The following LRRTM4 variants were observed in gnomAD, a reference collection of about 807,000 sequenced individuals.
LRRTM4 encodes leucine rich repeat transmembrane neuronal 4, also known as leucine-rich repeat transmembrane neuronal protein 4.
In LRRTM4, 25 loss-of-function variants were observed where a neutral mutation model predicts 47.6. That is an observed-to-expected ratio of 0.53 (90% confidence interval 0.38 to 0.73). The LOEUF (loss-of-function observed/expected upper bound fraction) is 0.73. Ranked by LOEUF, LRRTM4 falls within the 30% of genes least tolerant of loss-of-function variation. The pLI is 0.00. For synonymous variants in LRRTM4, 311 were observed against 269.5 expected (o/e 1.15, Z -1.51); for missense variants, 638 against 713.4 (o/e 0.89, Z 1.20).
intron 3 of LRRTM4, among the ~76,000 whole-genome samples, chr2:76,837,925 G>A (rs1671562399): frequency 6.6e-6 from 1 of 151,580 alleles, no homozygotes; most frequent in Admixed American, 6.6e-5. Context: ...ATCACACTCT[G>A]GGGACTGTTG....
intron 3 of LRRTM4, among the ~76,000 whole-genome samples, chr2:77,080,437 T>C (rs1388640876): frequency 1.3e-5 from 2 of 152,224 alleles, no homozygotes; most frequent in African/African-American, 4.8e-5. Context: ...CATATCCTTA[T>C]GTTATTCTGG....
intron 3 of LRRTM4, among the ~76,000 whole-genome samples, chr2:77,482,540 C>T (rs1020873523): frequency 4.0e-5 from 6 of 151,744 alleles, no homozygotes; most frequent in Non-Finnish European, 7.4e-5. Flanking sequence ...AGTCTTGATA[C>T]AGAAAGGAAG....
At chr2:77,161,462 G>A (rs1472828900) in intron 3 of LRRTM4, among the ~76,000 whole-genome samples, 2 of 152,140 alleles carry the variant, frequency 1.3e-5, no homozygotes, top group Non-Finnish European at 2.9e-5. Flanking sequence ...GTTGCCTTGT[G>A]ATAATTAAAC....
intron 3 of LRRTM4, among the ~76,000 whole-genome samples, chr2:77,226,984 C>G (rs1674832392): frequency 6.6e-6 from 1 of 151,974 alleles, no homozygotes; most frequent in Admixed American, 6.6e-5. Flanking sequence ...GCCTTATACT[C>G]TACTAGATGG....
chr2:76,917,279 G>C (rs887064301), intron 3 of LRRTM4, among the ~76,000 whole-genome samples: 2 of 152,146 alleles, frequency 1.3e-5, no homozygotes, highest in Admixed American at 6.6e-5. Context: ...GTAGCTTCAT[G>C]ATCTCTGATA....
At chr2:77,104,850 C>CTGCAGGA (rs1671055794) in intron 3 of LRRTM4, among the ~76,000 whole-genome samples, 1 of 152,102 alleles carries the variant, frequency 6.6e-6, no homozygotes, top group Admixed American at 6.5e-5. Context: ...TGAGCAGAAA[C>CTGCAGGA]TGCAGGATAC....
chr2:77,078,225 A>C (rs551988995), intron 3 of LRRTM4, among the ~76,000 whole-genome samples: 7 of 152,312 alleles, frequency 4.6e-5, no homozygotes, highest in Admixed American at 2.6e-4. Flanking sequence ...TCTGCCATAA[A>C]CTAATCTAAC....
intron 3 of LRRTM4, among the ~76,000 whole-genome samples, chr2:77,113,982 G>A (rs1671322022): frequency 6.6e-6 from 1 of 152,128 alleles, no homozygotes; most frequent in South Asian, 2.1e-4. Flanking sequence ...AGGGGGTAAT[G>A]TTAAGCCAAA....
intron 3 of LRRTM4, among the ~76,000 whole-genome samples, chr2:76,841,173 G>A (rs1205461826): frequency 5.3e-5 from 8 of 151,454 alleles, no homozygotes; most frequent in Admixed American, 4.6e-4. Context: ...GCTATCGCAA[G>A]GACAAAAAAC....
intron 3 of LRRTM4, among the ~76,000 whole-genome samples, chr2:77,085,937 G>T (rs1203254574): frequency 1.3e-5 from 2 of 152,236 alleles, no homozygotes; most frequent in Admixed American, 6.5e-5. Flanking sequence ...CCAAAAGGAA[G>T]AAATTTCTTT....
At chr2:76,910,606 T>C (rs1319653937) in intron 3 of LRRTM4, among the ~76,000 whole-genome samples, 1 of 152,184 alleles carries the variant, frequency 6.6e-6, no homozygotes, top group Admixed American at 6.5e-5. Flanking sequence ...AATGTATGTA[T>C]CCAAAAATAG....
intron 3 of LRRTM4, among the ~76,000 whole-genome samples, chr2:77,165,854 A>G (rs1194430982): frequency 6.6e-6 from 1 of 152,236 alleles, no homozygotes. Context: ...AGCCAATATC[A>G]TACTGAATGG....
chr2:77,226,397 A>T (rs538326375), intron 3 of LRRTM4, among the ~76,000 whole-genome samples: 1 of 151,836 alleles, frequency 6.6e-6, no homozygotes, highest in Non-Finnish European at 1.5e-5. Flanking sequence ...TTGTCATGAG[A>T]GCATAGAAAT....
chr2:76,819,175 C>T (rs941960484), intron 3 of LRRTM4, among the ~76,000 whole-genome samples: 12 of 151,730 alleles, frequency 7.9e-5, no homozygotes, highest in African/African-American at 2.9e-4. Flanking sequence ...TAAAGGTAAA[C>T]AATCATAATA....
chr2:76,960,756 A>G (rs1260762022), intron 3 of LRRTM4, among the ~76,000 whole-genome samples: 1 of 151,608 alleles, frequency 6.6e-6, no homozygotes, highest in Admixed American at 6.6e-5. Context: ...TTTTCCCTAA[A>G]TAAAAACTGT....
chr2:76,942,674 A>ATGTG lies in LRRTM4; in HGVS notation c.1552-193759_1552-193758insCACA, dbSNP rs750604219. On this transcript the variant is annotated intron_variant, in intron 3 of 3. Coordinates refer to ENST00000409884, the MANE Select transcript of LRRTM4 (RefSeq NM_001134745.3). Reference sequence around the variant, plus strand: ...TTGGTCAAGTAACCAACCTCTAGGAATCTGTGTGTGTGTGTGTGTGTGTGT... The same window carrying ATGTG: ...TTGGTCAAGTAACCAACCTCTAGGAATGTGTCTGTGTGTGTGTGTGTGTGTGTGT... Among the ~76,000 whole-genome samples, 145 of 123,342 alleles carry ATGTG rather than the reference A, an allele frequency of 1.2e-3. 1 individual carries two copies. The highest frequency in any genetic ancestry group is 4.3e-3 in the African/African-American group (135 of 31,342). 80.9% of individuals were successfully genotyped at this position (123,342 alleles called of 152,430 possible).
At chr2:77,120,647 A>G (rs1671500131) in intron 3 of LRRTM4, among the ~76,000 whole-genome samples, 1 of 151,796 alleles carries the variant, frequency 6.6e-6, no homozygotes, top group Non-Finnish European at 1.5e-5. Flanking sequence ...TTTCTTTTGT[A>G]ACTCACTTTC....
chr2:77,064,076 T>G (rs1417507801), intron 3 of LRRTM4, among the ~76,000 whole-genome samples: 2 of 152,208 alleles, frequency 1.3e-5, no homozygotes, highest in African/African-American at 4.8e-5. Context: ...TTCCTTATTT[T>G]TTTTAAAAAT....
At chr2:77,066,766 A>G (rs1483397415) in intron 3 of LRRTM4, among the ~76,000 whole-genome samples, 2 of 152,238 alleles carry the variant, frequency 1.3e-5, no homozygotes, top group Admixed American at 6.5e-5. Flanking sequence ...AGGAGCTACT[A>G]AAGATTGACA....
Sources: allele counts gnomAD v4.1 joint callset (sites outside exome capture counted in the v4.1 genomes callset), GRCh38; gene constraint gnomAD v4.1.1; transcripts MANE v1.5; gene names NCBI Gene and HGNC (gene_info 2026-07-23, HGNC 2026-07-21).